Variants in SPAG16 observed in about 807,000 individuals in gnomAD.
SPAG16 encodes the protein sperm associated antigen 16.
A neutral mutation model predicts 80.4 loss-of-function variants in SPAG16; 86 were observed. The ratio of observed to expected loss-of-function variants is 1.07; its 90% confidence interval spans 0.90 to 1.28. SPAG16 has a LOEUF of 1.28. SPAG16 is among the 50% of genes most tolerant of loss of function. The pLI, the probability that SPAG16 is intolerant of heterozygous loss-of-function variation, is 0.00. For missense variants in SPAG16, 870 were observed against 765.3 expected (o/e 1.14, Z -1.61); for synonymous variants, 294 against 265.9 (o/e 1.11, Z -1.03).
At chr2:214,239,184 C>T (rs1273620338) in intron 15 of SPAG16, 1 of 152,004 alleles carries the variant, frequency 6.6e-6, no homozygotes, top group Non-Finnish European at 1.5e-5. Context: ...GCAAGCACCA[C>T]CATGCCTGGC....
intron 13 of SPAG16, among the ~76,000 whole-genome samples, chr2:214,036,630 T>G (rs1205850753): frequency 6.6e-6 from 1 of 152,218 alleles, no homozygotes; most frequent in Non-Finnish European, 1.5e-5. Flanking sequence ...TTTATACTTA[T>G]AACTGTCCTC....
rs141678839 is a variant in SPAG16 at position 213,629,399 on chromosome 2, G to T, written c.1070+139309G>T. 1.5e-3 allele frequency among the ~76,000 whole-genome samples: 234 copies of T among 152,290 alleles called. 2 individuals carry two copies. Among genetic ancestry groups the T allele is most frequent in the African/African-American group, 5.2e-3 (215 of 41,554 alleles). ...AGGGAATTAAAATGTGAATAATAGT[G>T]AAATTCAATATATATTCCGTCAGTC... is the stretch of plus-strand genomic sequence containing the variant. On this transcript the variant is annotated intron_variant, in intron 10 of 15. Coordinates refer to ENST00000331683, the MANE Select transcript of SPAG16 (RefSeq NM_024532.5).
chr2:214,353,426 ATTTAG>A (rs2126054233), intron 15 of SPAG16, among the ~76,000 whole-genome samples: 1 of 152,282 alleles, frequency 6.6e-6, no homozygotes, highest in Non-Finnish European at 1.5e-5. Context: ...CAAACCTACA[ATTTAG>A]TTTAGATTGG....
At chr2:213,429,846 C>T (rs2070180662) in intron 9 of SPAG16, among the ~76,000 whole-genome samples, 1 of 151,968 alleles carries the variant, frequency 6.6e-6, no homozygotes, top group Non-Finnish European at 1.5e-5. Context: ...AAAGTCCTGC[C>T]CCCAAGAAAA....
Position 214,151,789 on chromosome 2 carries a change from C to T in SPAG16, c.1720+2523C>T, listed in dbSNP as rs535183056. ...AGGCCAGGCAATGGTCTGCTGTCTC[C>T]GCTGTGCTCTTGGACTATTGAAAAC... On this transcript the variant is annotated intron_variant, in intron 15 of 15. Transcript: ENST00000331683. 1.2e-4 allele frequency among the ~76,000 whole-genome samples: 18 copies of T among 151,610 alleles called. No homozygotes were observed. In the South Asian group the frequency reaches 1.7e-3, roughly 14 times the overall value.
At chr2:213,633,492 A>T in intron 10 of SPAG16, among the ~76,000 whole-genome samples, 1 of 152,134 alleles carries the variant, frequency 6.6e-6, no homozygotes, top group East Asian at 1.9e-4. Flanking sequence ...AATAATATGT[A>T]TTCTGTAGCT....
chr2:214,373,492 A>G, intron 15 of SPAG16, among the ~76,000 whole-genome samples: 1 of 152,208 alleles, frequency 6.6e-6, no homozygotes, highest in African/African-American at 2.4e-5. Context: ...TAACGTGAGA[A>G]ATAGAAATAT....
chr2:213,298,820 G>A (rs1172025043), intron 3 of SPAG16, among the ~76,000 whole-genome samples: 1 of 152,128 alleles, frequency 6.6e-6, no homozygotes, highest in Non-Finnish European at 1.5e-5. Context: ...GTAGCTGATT[G>A]ACTCTCATTT....
At chr2:213,585,468 G>A (rs965232171) in intron 10 of SPAG16, among the ~76,000 whole-genome samples, 2 of 151,810 alleles carry the variant, frequency 1.3e-5, no homozygotes, top group South Asian at 4.2e-4. Flanking sequence ...GTAGAGATGG[G>A]GTTTCACCAT....
At chr2:213,696,396 C>T (rs1257811847) in intron 10 of SPAG16, among the ~76,000 whole-genome samples, 1 of 151,982 alleles carries the variant, frequency 6.6e-6, no homozygotes, top group Non-Finnish European at 1.5e-5. Context: ...ATATTCAGTA[C>T]CCGATGTCTT....
At chr2:213,717,990 G>A (rs996623920) in intron 10 of SPAG16, among the ~76,000 whole-genome samples, 2 of 151,988 alleles carry the variant, frequency 1.3e-5, no homozygotes, top group Non-Finnish European at 2.9e-5. Context: ...TGCCAAAATT[G>A]ACAAATGGGA....
chr2:213,709,004 G>A (rs889850064), intron 10 of SPAG16, among the ~76,000 whole-genome samples: 6 of 152,100 alleles, frequency 3.9e-5, no homozygotes, highest in African/African-American at 1.4e-4. Flanking sequence ...CTAACATTAT[G>A]GTATTAGTTC....
intron 10 of SPAG16, among the ~76,000 whole-genome samples, chr2:213,686,674 CTTTTTTTTTT>C (rs748200040): frequency 4.6e-5 from 4 of 86,142 alleles, no homozygotes; most frequent in African/African-American, 8.0e-5. Context: ...ATTAATCCAC[CTTTTTTTTTT>C]TTTTTTTTTT....
At chr2:213,982,496 G>A (rs1559656292) in intron 12 of SPAG16, among the ~76,000 whole-genome samples, 2 of 151,874 alleles carry the variant, frequency 1.3e-5, no homozygotes, top group Admixed American at 1.3e-4. Context: ...ACAAAGTTTT[G>A]AAGTATTTTT....
intron 10 of SPAG16, among the ~76,000 whole-genome samples, chr2:213,806,629 A>G (rs911542845): frequency 2.0e-5 from 3 of 152,166 alleles, no homozygotes; most frequent in Non-Finnish European, 4.4e-5. Context: ...TAATTCCTAT[A>G]TCTTCCTAAA....
intron 10 of SPAG16, among the ~76,000 whole-genome samples, chr2:213,699,042 C>T (rs2065284419): frequency 6.6e-6 from 1 of 152,146 alleles, no homozygotes; most frequent in African/African-American, 2.4e-5. Context: ...GTAATTCTAC[C>T]ATGGAACTTC....
intron 10 of SPAG16, among the ~76,000 whole-genome samples, chr2:213,713,057 C>T (rs1273821867): frequency 2.0e-5 from 3 of 152,142 alleles, no homozygotes; most frequent in Admixed American, 2.0e-4. Flanking sequence ...GTGCCGAGCG[C>T]AGTGGGGGAA....
chr2:213,705,603 A>G (rs1364920468), intron 10 of SPAG16, among the ~76,000 whole-genome samples: 1 of 138,636 alleles, frequency 7.2e-6, no homozygotes, highest in Non-Finnish European at 1.7e-5. Flanking sequence ...AACATTATTA[A>G]GAAAATTTTT....
At chr2:213,630,112 A>G (rs2062091419) in intron 10 of SPAG16, among the ~76,000 whole-genome samples, 1 of 152,176 alleles carries the variant, frequency 6.6e-6, no homozygotes, top group African/African-American at 2.4e-5. Context: ...GGCTGGGCAC[A>G]GTGGCTCACA....
Sources: gnomAD v4.1 joint callset for allele counts (sites outside exome capture counted in the v4.1 genomes callset) on GRCh38, gnomAD v4.1.1 for gene constraint, MANE v1.5 for transcripts, NCBI Gene and HGNC (gene_info 2026-07-23, HGNC 2026-07-21) for gene names.